DLG4: variants seen among roughly 807,000 people sequenced by gnomAD.
DLG4 encodes the protein disks large homolog 4.
In DLG4, 7 loss-of-function variants were observed where a neutral mutation model predicts 93.8. The observed-to-expected ratio is 0.07, with a 90% CI of 0.04 to 0.14. DLG4 has a LOEUF of 0.14. DLG4 is among the 10% of genes least tolerant of loss of function. The probability of loss-of-function intolerance (pLI) is 1.00; values close to 1 mark genes in which losing one functional copy is unlikely to be tolerated. For synonymous variants in DLG4, 341 were observed against 387.6 expected (o/e 0.88, Z 1.41); for missense variants, 545 against 992.9 (o/e 0.55, Z 6.06).
rs751996843 is a variant in DLG4, at chr17:7,196,916, G to A, written c.924C>T (p.Pro308=). 5.6e-6 allele frequency: 9 copies of A among 1,613,876 alleles called. No individual in the cohort carries two copies. The highest frequency in any genetic ancestry group is 2.2e-5 in the East Asian group (1 of 44,878). ...AKDLLGEEDI[P]REPRRIVIHR... ...GGATCACAATTCGCCTCGGTTCTCG[G>A]GGAATGTCTTCCTCCCCGAGCAGGT... is the stretch of plus-strand genomic sequence containing the variant. Residue 308 remains proline (P), a synonymous_variant, in exon 9 of 20, where the codon CCC becomes CCT. Coordinates refer to ENST00000399506, the MANE Select transcript of DLG4 (RefSeq NM_001321075.3). This position sits in a 1 kb window ranked among gnomAD's most constrained non-coding sequence, Gnocchi z 8.3.
At chr17:7,202,063 CT>C (rs1037586433) in intron 8 of DLG4, among the ~76,000 whole-genome samples, 29 of 152,206 alleles carry the variant, frequency 1.9e-4, no homozygotes, top group African/African-American at 6.7e-4. Context: ...CACCAAATGC[CT>C]TTTTCACGTC....
Position 7,191,995 on chromosome 17 carries a change from T to C in DLG4, c.1874A>G (p.His625Arg). 1 of 1,434,262 alleles carries C rather than the reference T, an allele frequency of 7.0e-7. No individual in the cohort carries two copies. Among genetic ancestry groups the C allele is most frequent in the Non-Finnish European group, 9.2e-7 (1 of 1,088,240 alleles). The allele number at this position is 1,434,262 out of a possible 1,614,324, so 88.8% of individuals were successfully genotyped here. Reference sequence around the variant, plus strand: ...ATTGGCCGAGACATCGAGGATGCAGTGCTTCCCCTGGGGGCAGGCAGGGTG... The same window carrying C: ...ATTGGCCGAGACATCGAGGATGCAGCGCTTCCCCTGGGGGCAGGCAGGGTG... ...SVREVAEQGK[H>R]CILDVSANAV... The change falls in exon 18 of 20, where the codon CAC (histidine) becomes CGC (arginine). Residue 625 changes from histidine (H) to arginine (R), a missense_variant. This residue lies in a region of DLG4 where 428 missense variants were observed against 741.4 expected (regional missense o/e 0.58). Coordinates refer to ENST00000399506, the MANE Select transcript of DLG4 (RefSeq NM_001321075.3). The surrounding 1 kb of genome is among the most constrained non-coding windows in gnomAD (Gnocchi z 6.6).
At chr17:7,204,836 C>T (rs1216914996) in intron 2 of DLG4, 1 of 605,088 alleles carries the variant, frequency 1.7e-6, no homozygotes, top group Non-Finnish European at 2.1e-6. Context: ...TCCCCAGCTG[C>T]AGGCCCCTCC....
Position 7,195,828 on chromosome 17 carries a change from C to T in DLG4, c.1301+392G>A, listed in dbSNP as rs1483957287. On this transcript the variant is annotated intron_variant, in intron 11 of 19. Coordinates refer to ENST00000399506, the MANE Select transcript of DLG4 (RefSeq NM_001321075.3). This position sits in a 1 kb window ranked among gnomAD's most constrained non-coding sequence, Gnocchi z 4.3. The stretch of plus-strand genomic sequence containing the variant: ...CCGCTGGAGAGACGGGGGCAGGCAC[C>T]ACAGAGCTGCGGCCCACGTCTCCGG... Among the ~76,000 whole-genome samples the T allele has an allele frequency of 6.6e-6, 1 of 152,110 alleles. No homozygotes were observed. Among genetic ancestry groups the T allele is most frequent in the Non-Finnish European group, 1.5e-5 (1 of 68,016 alleles).
At chr17:7,215,282 T>G (rs1277509034) in intron 1 of DLG4, among the ~76,000 whole-genome samples, 1 of 152,194 alleles carries the variant, frequency 6.6e-6, no homozygotes, top group Admixed American at 6.5e-5. Flanking sequence ...GTAAGCCTCC[T>G]TCCTTCAGGG....
chr17:7,218,103 C>G, upstream of DLG4: 1 of 764,594 alleles, frequency 1.3e-6, no homozygotes, highest in African/African-American at 1.8e-5. Context: ...ATTCTCGGTG[C>G]CCCAAGTCCC....
intron 1 of DLG4, among the ~76,000 whole-genome samples, chr17:7,214,846 G>A (rs1429428119): frequency 1.3e-5 from 2 of 152,220 alleles, no homozygotes; most frequent in African/African-American, 4.8e-5. Flanking sequence ...GATCGCTGTA[G>A]AGTGGAGTTT....
rs75869197 is a variant in DLG4, at chr17:7,187,306, G to C, written c.*3402C>G. ...TGTAATCCTAGCACTTTGGGAGGCC[G>C]AGGGGGGGGGGGGTGGATCACCCGA... On this transcript the variant is annotated 3_prime_UTR_variant, in exon 20 of 20. Transcript: ENST00000399506. Among the ~76,000 whole-genome samples, 1 of 51,914 alleles carries C rather than the reference G, an allele frequency of 1.9e-5. No homozygotes were observed. The highest frequency in any genetic ancestry group is 6.4e-4 in the South Asian group (1 of 1,570). The allele number at this position is 51,914 out of a possible 152,430, so 34.1% of individuals were successfully genotyped here.
chr17:7,210,133 G>A (rs1597488537), intron 1 of DLG4, among the ~76,000 whole-genome samples: 1 of 152,310 alleles, frequency 6.6e-6, no homozygotes, highest in South Asian at 2.1e-4. Context: ...CAGCAGCTGC[G>A]AGATCAAATG....
chr17:7,215,111 C>T (rs2070852565), intron 1 of DLG4, among the ~76,000 whole-genome samples: 2 of 152,202 alleles, frequency 1.3e-5, no homozygotes, highest in South Asian at 4.1e-4. Flanking sequence ...CTCCCAACAG[C>T]GCCATGGGCA....
Position 7,193,728 on chromosome 17 carries a change from G to A in DLG4, c.1544-14C>T, listed in dbSNP as rs2069621941. ...AGTCTTCTCGACCTGGTGGGAGGTGGGGCATCTGCAAGGGGCTCTGAAACA... is the reference window on the plus strand; with the variant it reads ...AGTCTTCTCGACCTGGTGGGAGGTGAGGCATCTGCAAGGGGCTCTGAAACA... On this transcript the variant is annotated splice_polypyrimidine_tract_variant and intron_variant, in intron 14 of 19. Coordinates refer to ENST00000399506, the MANE Select transcript of DLG4 (RefSeq NM_001321075.3). The surrounding 1 kb of genome is among the most constrained non-coding windows in gnomAD (Gnocchi z 6.7). The A allele has an allele frequency of 6.3e-7, 1 of 1,594,538 alleles. No individual in the cohort carries two copies. The highest frequency in any genetic ancestry group is 8.6e-7 in the Non-Finnish European group (1 of 1,169,366).
chr17:7,219,936 C>G, upstream of DLG4: 1 of 1,578,412 alleles, frequency 6.3e-7, no homozygotes, highest in South Asian at 1.1e-5. Flanking sequence ...GTGCAGGACG[C>G]CAGAGCTGGG....
chr17:7,189,560 A>G lies in DLG4; in HGVS notation c.*1148T>C, dbSNP rs1366872472. Among the ~76,000 whole-genome samples the G allele has an allele frequency of 1.3e-5, 2 of 152,206 alleles. No individual in the cohort carries two copies. Among genetic ancestry groups the G allele is most frequent in the Non-Finnish European group, 2.9e-5 (2 of 68,040 alleles). ...TCTGTCCACAACTCCATGAACATGAATGAACGAAGTTTCCTCTCTATTTTC... is the reference window on the plus strand; with the variant it reads ...TCTGTCCACAACTCCATGAACATGAGTGAACGAAGTTTCCTCTCTATTTTC... On this transcript the variant is annotated 3_prime_UTR_variant, in exon 20 of 20. Coordinates refer to ENST00000399506, the MANE Select transcript of DLG4 (RefSeq NM_001321075.3).
rs772013557 is a variant in DLG4 at position 7,193,764 on chromosome 17, A to T, written c.1544-50T>A. Reference sequence around the variant, plus strand: ...AGGGGCTCTGAAACAGGGGACCTGGAGCCCTGTCTCCCCCTTGAGGATATC... The same window carrying T: ...AGGGGCTCTGAAACAGGGGACCTGGTGCCCTGTCTCCCCCTTGAGGATATC... On this transcript the variant is annotated intron_variant, in intron 14 of 19. Coordinates refer to ENST00000399506, the MANE Select transcript of DLG4 (RefSeq NM_001321075.3). The surrounding 1 kb of genome is among the most constrained non-coding windows in gnomAD (Gnocchi z 6.7). 6.8e-6 allele frequency: 11 copies of T among 1,609,744 alleles called. No homozygotes were observed. The highest frequency in any genetic ancestry group is 6.7e-5 in the Admixed American group (4 of 59,436).
chr17:7,218,366 T>C (rs561902948), upstream of DLG4: 11 of 1,490,906 alleles, frequency 7.4e-6, no homozygotes, highest in Non-Finnish European at 9.2e-6. Flanking sequence ...GCTGGCTGGC[T>C]GGCAAGGGAG....
At position 7,193,415 on chromosome 17, in the gene DLG4, C is replaced by T; in HGVS notation, c.1693+68G>A. 1 of 1,435,406 alleles carries T rather than the reference C, an allele frequency of 7.0e-7. No homozygotes were observed. The allele number at this position is 1,435,406 out of a possible 1,614,324, so 88.9% of individuals were successfully genotyped here. A position where few individuals can be genotyped will look rare whatever the true frequency, so the allele number is the denominator to read the frequency against. ...CCCCAGGAGGCTCTGCCTATGGCCCCAGGGATGGGCCTCCCCTGCCCCACC... is the reference window on the plus strand; with the variant it reads ...CCCCAGGAGGCTCTGCCTATGGCCCTAGGGATGGGCCTCCCCTGCCCCACC... On this transcript the variant is annotated intron_variant, in intron 16 of 19. Transcript: ENST00000399506. The surrounding 1 kb of genome is among the most constrained non-coding windows in gnomAD (Gnocchi z 6.7).
In DLG4 at chr17:7,196,142, G is replaced by T; in HGVS notation, c.1301+78C>A. On this transcript the variant is annotated intron_variant, in intron 11 of 19. Coordinates refer to ENST00000399506, the MANE Select transcript of DLG4 (RefSeq NM_001321075.3). The surrounding 1 kb of genome is among the most constrained non-coding windows in gnomAD (Gnocchi z 8.3). ...AGAGCAGGCAGGGTGGAGAAGAGGAGCGGCTGAGGCCCGGGCCAGGCACAG... is the reference window on the plus strand; with the variant it reads ...AGAGCAGGCAGGGTGGAGAAGAGGATCGGCTGAGGCCCGGGCCAGGCACAG... The T allele has an allele frequency of 9.2e-7, 1 of 1,090,652 alleles. No individual in the cohort carries two copies. The highest frequency in any genetic ancestry group is 1.3e-6 in the Non-Finnish European group (1 of 749,154). 67.6% of individuals were successfully genotyped at this position (1,090,652 alleles called of 1,614,324 possible). A position where few individuals can be genotyped will look rare whatever the true frequency, so the allele number is the denominator to read the frequency against.
In DLG4 at chr17:7,208,664, A is replaced by T. The variant is rs1278504056; in HGVS notation, c.31-425T>A. On this transcript the variant is annotated intron_variant, in intron 1 of 19. Transcript: ENST00000399506. This position sits in a 1 kb window ranked among gnomAD's most constrained non-coding sequence, Gnocchi z 5.4. ...AGTCCCCAACTTCCTTGCTTCTCTC[A>T]CCATCTCAGACTCACTCTTGTTCTA... 1.3e-5 allele frequency among the ~76,000 whole-genome samples: 2 copies of T among 150,828 alleles called. No individual in the cohort carries two copies. Among genetic ancestry groups the T allele is most frequent in the African/African-American group, 4.9e-5 (2 of 40,904 alleles).
chr17:7,191,784 G>A lies in DLG4; in HGVS notation c.1976+109C>T. On this transcript the variant is annotated intron_variant, in intron 18 of 19. Transcript: ENST00000399506. The surrounding 1 kb of genome is among the most constrained non-coding windows in gnomAD (Gnocchi z 6.6). The stretch of plus-strand genomic sequence containing the variant: ...CCAGGGATCCCCCTCAGGGGCTGCT[G>A]AAACCGCTGTCCAGGGTTCTGAAGG... The A allele has an allele frequency of 3.7e-6, 3 of 805,674 alleles. No homozygotes were observed. Among genetic ancestry groups the A allele is most frequent in the South Asian group, 2.4e-5 (1 of 42,114 alleles). 49.9% of individuals were successfully genotyped at this position (805,674 alleles called of 1,614,324 possible).
Sources: gnomAD v4.1 joint callset for allele counts (sites outside exome capture counted in the v4.1 genomes callset) on GRCh38, gnomAD v4.1.1 for gene constraint, gnomAD v4.1.1 regional missense constraint, Gnocchi (gnomAD v3.1) non-coding constraint, MANE v1.5 for transcripts, NCBI Gene and HGNC (gene_info 2026-07-23, HGNC 2026-07-21) for gene names.